The following GRID2 variants were observed in gnomAD, a reference collection of about 807,000 sequenced individuals.
GRID2 encodes the protein glutamate ionotropic receptor delta type subunit 2.
Under a neutral mutation model 114.8 loss-of-function variants are expected in GRID2, and 33 were observed. The observed-to-expected ratio is 0.29, with a 90% CI of 0.22 to 0.38. The LOEUF is 0.38. Among genes scored for constraint, GRID2 ranks in the 10% least tolerant of loss-of-function variants. The pLI is 1.00. For missense variants in GRID2, 1,184 were observed against 1,257.7 expected, an observed-to-expected ratio of 0.94 and a Z score of 0.89; for synonymous variants, 505 against 449.9, an observed-to-expected ratio of 1.12 and a Z score of -1.55.
At chr4:93,136,168 A>G (rs544850051) in intron 4 of GRID2, among the ~76,000 whole-genome samples, 166 of 151,798 alleles carry the variant, frequency 1.1e-3, no homozygotes, top group Non-Finnish European at 1.8e-3. Context: ...AACTCAGGCA[A>G]TCTGCCTCCG....
intron 2 of GRID2, among the ~76,000 whole-genome samples, chr4:92,941,756 C>A (rs1157470878): frequency 6.6e-6 from 1 of 152,118 alleles, no homozygotes; most frequent in Non-Finnish European, 1.5e-5. Flanking sequence ...CCCAGAGATT[C>A]TCGTATGTTG....
intron 7 of GRID2, among the ~76,000 whole-genome samples, chr4:93,232,339 C>A (rs1021627233): frequency 1.3e-5 from 2 of 152,040 alleles, no homozygotes; most frequent in African/African-American, 4.8e-5. Flanking sequence ...ATGTTTAAAT[C>A]AAATTCTTTT....
chr4:92,837,519 T>C (rs548136526), intron 2 of GRID2, among the ~76,000 whole-genome samples: 1 of 151,080 alleles, frequency 6.6e-6, no homozygotes, highest in Non-Finnish European at 1.5e-5. Flanking sequence ...ACTCATCAAA[T>C]GTAACCTTGA....
At chr4:93,160,913 T>C (rs536965456) in intron 4 of GRID2, among the ~76,000 whole-genome samples, 2 of 151,830 alleles carry the variant, frequency 1.3e-5, no homozygotes, top group South Asian at 2.1e-4. Context: ...GACAACACTT[T>C]GTCTACACCA....
At chr4:93,334,391 C>A (rs575662698) in intron 8 of GRID2, among the ~76,000 whole-genome samples, 2 of 149,966 alleles carry the variant, frequency 1.3e-5, no homozygotes, top group African/African-American at 5.0e-5. Context: ...AAAAAAAAAC[C>A]GTCGCACTTT....
chr4:93,204,687 C>A (rs1043008415), intron 4 of GRID2, among the ~76,000 whole-genome samples: 1 of 152,118 alleles, frequency 6.6e-6, no homozygotes, highest in Admixed American at 6.6e-5. Context: ...ATGGGTAAAT[C>A]TCATGGTCTA....
chr4:93,223,108 G>T (rs144343602), intron 6 of GRID2, among the ~76,000 whole-genome samples: 1 of 152,206 alleles, frequency 6.6e-6, no homozygotes, highest in African/African-American at 2.4e-5. Flanking sequence ...ATATTTTCCT[G>T]TTGGGTCTTT....
At chr4:93,707,716 T>C (rs983942599) in intron 14 of GRID2, among the ~76,000 whole-genome samples, 1 of 151,982 alleles carries the variant, frequency 6.6e-6, no homozygotes, top group Non-Finnish European at 1.5e-5. Context: ...TTATTATTTC[T>C]TTCCTCTTAC....
At position 92,880,503 on chromosome 4, in the gene GRID2, G is replaced by A. The variant is rs1292325561; in HGVS notation, c.245-204492G>A. ...AAATAATGAATGATTATAATTATCT[G>A]ATTTTAGCTACTGCTGCAGCTGAAG... On this transcript the variant is annotated intron_variant, in intron 2 of 15. Coordinates refer to ENST00000282020, the MANE Select transcript of GRID2 (RefSeq NM_001510.4). 2.0e-5 allele frequency among the ~76,000 whole-genome samples: 3 copies of A among 151,992 alleles called. No homozygotes were observed. The South Asian group carries it at 6.2e-4, about 32-fold the overall frequency.
intron 14 of GRID2, among the ~76,000 whole-genome samples, chr4:93,687,305 G>C (rs1347711900): frequency 1.3e-5 from 2 of 151,998 alleles, no homozygotes; most frequent in African/African-American, 4.8e-5. Flanking sequence ...TGGTAGTTCA[G>C]TTTGGGGCAT....
intron 1 of GRID2, among the ~76,000 whole-genome samples, chr4:92,380,308 AT>A (rs1729558293): frequency 6.6e-6 from 1 of 151,912 alleles, no homozygotes; most frequent in Non-Finnish European, 1.5e-5. Flanking sequence ...TGAAAAAAAA[AT>A]CCTTTGCTTC....
intron 14 of GRID2, among the ~76,000 whole-genome samples, chr4:93,737,769 T>G (rs950427253): frequency 1.3e-5 from 2 of 152,098 alleles, no homozygotes; most frequent in African/African-American, 4.8e-5. Context: ...TTCATTGAAA[T>G]CCTATATACA....
At chr4:93,408,770 C>A (rs1241681594) in intron 9 of GRID2, among the ~76,000 whole-genome samples, 1 of 152,086 alleles carries the variant, frequency 6.6e-6, no homozygotes, top group Non-Finnish European at 1.5e-5. Context: ...TAAATCCCTG[C>A]AGATTTGTTT....
At chr4:92,820,840 C>G (rs1313938301) in intron 2 of GRID2, among the ~76,000 whole-genome samples, 1 of 151,996 alleles carries the variant, frequency 6.6e-6, no homozygotes, top group Admixed American at 6.6e-5. Context: ...AATTAATAAT[C>G]TTAAATTGTA....
intron 3 of GRID2, among the ~76,000 whole-genome samples, chr4:93,104,436 T>G (rs1344809852): frequency 2.0e-5 from 3 of 152,034 alleles, no homozygotes; most frequent in Non-Finnish European, 4.4e-5. Flanking sequence ...TAGGTATATC[T>G]CCTAATGCTA....
intron 14 of GRID2, among the ~76,000 whole-genome samples, chr4:93,703,909 G>T (rs1419203668): frequency 6.6e-6 from 1 of 152,022 alleles, no homozygotes; most frequent in Non-Finnish European, 1.5e-5. Flanking sequence ...TGGACATTTG[G>T]CTTGGTTCCA....
chr4:92,906,446 G>A (rs976082219), intron 2 of GRID2, among the ~76,000 whole-genome samples: 4 of 126,586 alleles, frequency 3.2e-5, no homozygotes, highest in Non-Finnish European at 7.1e-5. Flanking sequence ...CTGAATTTTA[G>A]CACTTTGGTG....
chr4:93,316,344 G>A (rs1480646397), intron 8 of GRID2, among the ~76,000 whole-genome samples: 2 of 137,514 alleles, frequency 1.5e-5, no homozygotes, highest in East Asian at 2.2e-4. Flanking sequence ...AAGAAAGAAG[G>A]AAGGAAGGAA....
At chr4:92,744,904 G>A (rs567220020) in intron 2 of GRID2, among the ~76,000 whole-genome samples, 9 of 152,250 alleles carry the variant, frequency 5.9e-5, no homozygotes, top group African/African-American at 1.7e-4. Flanking sequence ...ACAGTGCTTT[G>A]TAGCAAAGGG....
Sources: allele counts gnomAD v4.1 joint callset (sites outside exome capture counted in the v4.1 genomes callset), GRCh38; gene constraint gnomAD v4.1.1; transcripts MANE v1.5; gene names NCBI Gene and HGNC (gene_info 2026-07-23, HGNC 2026-07-21).